Variants in BROX observed in about 807,000 individuals in gnomAD.
BROX encodes the protein BRO1 domain and CAAX motif containing.
In BROX, 53 loss-of-function variants were observed where a neutral mutation model predicts 61.0. That is an observed-to-expected ratio of 0.87 (90% CI 0.70 to 1.09). BROX has a LOEUF of 1.09. BROX is among the 50% of genes least tolerant of loss of function. The pLI, the probability that BROX is intolerant of heterozygous loss-of-function variation, is 0.00. For missense variants in BROX, 489 were observed against 472.0 expected (o/e 1.04, Z -0.33); for synonymous variants, 152 against 160.2 (o/e 0.95, Z 0.38).
At position 222,733,023 on chromosome 1, in the gene BROX, G is replaced by A. The variant is rs1021457671; in HGVS notation, c.*309G>A. ...ATAAGTTTCAGGTCAGTATAGGCCC[G>A]AATCATGTGGTTTCAGGTATGTTTT... On this transcript the variant is annotated 3_prime_UTR_variant, in exon 13 of 13. Transcript: ENST00000340934. 9 of 206,838 alleles carry A rather than the reference G, an allele frequency of 4.4e-5. No homozygotes were observed. The highest frequency in any genetic ancestry group is 6.6e-5 in the Non-Finnish European group (7 of 106,008). 12.8% of individuals were successfully genotyped at this position (206,838 alleles called of 1,614,324 possible).
At chr1:222,716,679 A>G (rs566476888) in intron 2 of BROX, among the ~76,000 whole-genome samples, 9 of 152,310 alleles carry the variant, frequency 5.9e-5, no homozygotes, top group African/African-American at 2.2e-4. Flanking sequence ...CCTCTACAAC[A>G]CCAGAATTGA....
chr1:222,717,946 C>T (rs958058760), intron 2 of BROX: 1 of 152,174 alleles, frequency 6.6e-6, no homozygotes, highest in Non-Finnish European at 1.5e-5. Flanking sequence ...ACACATATTT[C>T]AAGGGTCTTT....
At chr1:222,727,291 CTT>C (rs774941919) in intron 8 of BROX, 34 bp downstream of exon 8, 1 of 1,472,788 alleles carries the variant, frequency 6.8e-7, no homozygotes, top group South Asian at 1.2e-5. Flanking sequence ...CATTTTTAGT[CTT>C]TAGATTTTCA....
Position 222,730,087 on chromosome 1 carries a change from C to T in BROX, c.899C>T (p.Thr300Ile). The T allele has an allele frequency of 8.1e-6, 13 of 1,613,456 alleles. No homozygotes were observed. The highest frequency in any genetic ancestry group is 1.1e-5 in the Non-Finnish European group (13 of 1,179,646). ...EYGETKGPGP[T>I]VKPSGHLFFR... ...GGAGAAACCAAAGGACCTGGACCAA[C>T]AGTCAAACCTTCAGGACATCTGTTC... Residue 300 changes from threonine (T) to isoleucine (I), a missense_variant, in exon 11 of 13, where the codon ACA (threonine) becomes ATA (isoleucine). Physicochemically the swap from Thr to Ile is moderately conservative, Grantham distance 89. Coordinates refer to ENST00000340934, the MANE Select transcript of BROX (RefSeq NM_144695.4).
chr1:222,715,805 G>A lies in BROX; in HGVS notation c.101+5G>A, dbSNP rs780782954. 6.4e-7 allele frequency: 1 copy of A among 1,562,110 alleles called. No individual in the cohort carries two copies. Among genetic ancestry groups the A allele is most frequent in the South Asian group, 1.2e-5 (1 of 85,104 alleles). On this transcript the variant is annotated splice_donor_5th_base_variant and intron_variant, in intron 2 of 12. Transcript: ENST00000340934. ...TTCTGCTTCAAAAATATGCAAGTAA[G>A]TTTATTGATTGAACCACTCTTAGAT...
intron 12 of BROX, 85 bp downstream of exon 12, chr1:222,731,601 A>G: frequency 7.4e-7 from 1 of 1,356,752 alleles, no homozygotes; most frequent in Non-Finnish European, 1.0e-6. Flanking sequence ...TTTTCTCTAA[A>G]TAGATACATA....
chr1:222,732,755 A>G lies in BROX; in HGVS notation c.*41A>G. On this transcript the variant is annotated 3_prime_UTR_variant, in exon 13 of 13. Coordinates refer to ENST00000340934, the MANE Select transcript of BROX (RefSeq NM_144695.4). ...TAGAATTTCTCTAGCAGTAAATAAG[A>G]TAAACCACAGAATTTCAGTTCTTAT... is the stretch of plus-strand genomic sequence containing the variant. 1 of 1,447,230 alleles carries G rather than the reference A, an allele frequency of 6.9e-7. No individual in the cohort carries two copies. Among genetic ancestry groups the G allele is most frequent in the Non-Finnish European group, 9.6e-7 (1 of 1,039,450 alleles). 89.6% of individuals were successfully genotyped at this position (1,447,230 alleles called of 1,614,324 possible). A position where few individuals can be genotyped will look rare whatever the true frequency, so the allele number is the denominator to read the frequency against.
chr1:222,725,724 A>G (rs1657453807), intron 7 of BROX, among the ~76,000 whole-genome samples, 169 bp downstream of exon 7: 1 of 151,802 alleles, frequency 6.6e-6, no homozygotes, highest in Non-Finnish European at 1.5e-5. Flanking sequence ...AGCCTGGGCA[A>G]CGTGGCAAAA....
chr1:222,714,814 A>G (rs1475822276), intron 1 of BROX, among the ~76,000 whole-genome samples: 1 of 150,466 alleles, frequency 6.6e-6, no homozygotes, highest in Non-Finnish European at 1.5e-5. Context: ...TCCTGAGCTC[A>G]AGCGATCCAC....
chr1:222,729,880 CCTT>C, intron 10 of BROX, 144 bp from the exon 11 acceptor site: 1 of 965,684 alleles, frequency 1.0e-6, no homozygotes, highest in Non-Finnish European at 1.5e-6. Context: ...AAAATACACA[CCTT>C]CTACTTACAG....
chr1:222,724,049 A>G (rs1302341348), intron 5 of BROX, 43 bp from the exon 6 acceptor site: 1 of 1,408,770 alleles, frequency 7.1e-7, no homozygotes, highest in Non-Finnish European at 9.9e-7. Flanking sequence ...TTAATACCAG[A>G]AATGGAATTC....
Position 222,731,410 on chromosome 1 carries a change from A to T in BROX, c.1043A>T (p.Tyr348Phe). The T allele has an allele frequency of 1.9e-6, 3 of 1,581,526 alleles. No homozygotes were observed. The highest frequency in any genetic ancestry group is 2.6e-6 in the Non-Finnish European group (3 of 1,171,984). ...EAPQLELKAN[Y>F]GLVEPIPFEF... ...CCACAGCTGGAACTCAAAGCAAATT[A>T]TGGTCTCGTAGAGCCTATACCTTTC... Residue 348 changes from tyrosine to phenylalanine, a missense_variant, in exon 12 of 13, where the codon TAT (tyrosine) becomes TTT (phenylalanine). Transcript: ENST00000340934.
At position 222,730,078 on chromosome 1, in the gene BROX, C is replaced by T; in HGVS notation, c.890C>T (p.Pro297Leu). Reference protein sequence around the residue: ...LCKEYGETKGPGPTVKPSGHL... With the variant: ...LCKEYGETKGLGPTVKPSGHL... ...AAAGAATATGGAGAAACCAAAGGAC[C>T]TGGACCAACAGTCAAACCTTCAGGA... The change falls in exon 11 of 13, where the codon CCT becomes CTT. Residue 297 changes from proline to leucine, a missense_variant. Coordinates refer to ENST00000340934, the MANE Select transcript of BROX (RefSeq NM_144695.4). The T allele has an allele frequency of 1.2e-6, 2 of 1,613,450 alleles. No homozygotes were observed. The highest frequency in any genetic ancestry group is 1.1e-5 in the South Asian group (1 of 90,996).
In BROX at chr1:222,731,379, G is replaced by A; in HGVS notation, c.1012G>A (p.Glu338Lys). Residue 338 changes from glutamate (E) to lysine (K), a missense_variant, in exon 12 of 13, where the codon GAA becomes AAA. Transcript: ENST00000340934. ...CAGTTACTTTCAAAAAATTCCAACA[G>A]AAGCCCCACAGCTGGAACTCAAAGC... ...GFIYFQKIPTEAPQLELKANY... is the reference protein window; with the variant it reads ...GFIYFQKIPTKAPQLELKANY... 2 of 1,565,928 alleles carry A rather than the reference G, an allele frequency of 1.3e-6. No individual in the cohort carries two copies. Among genetic ancestry groups the A allele is most frequent in the East Asian group, 2.3e-5 (1 of 43,746 alleles).
At position 222,725,672 on chromosome 1, in the gene BROX, G is replaced by A. The variant is rs552563652; in HGVS notation, c.580+117G>A. The A allele has an allele frequency of 1.3e-5, 9 of 692,332 alleles. No individual in the cohort carries two copies. In the East Asian group the frequency reaches 2.3e-4, roughly 18 times the overall value. The allele number at this position is 692,332 out of a possible 1,614,324, so 42.9% of individuals were successfully genotyped here. On this transcript the variant is annotated intron_variant, in intron 7 of 12. Coordinates refer to ENST00000340934, the MANE Select transcript of BROX (RefSeq NM_144695.4). ...TGCATGTAGTCCCAGCACTTTGGGA[G>A]GTCTAGGTGGGCAGCTCACTTGAGC...
At chr1:222,713,508 C>G (rs1480927679) in intron 1 of BROX, 2 of 909,886 alleles carry the variant, frequency 2.2e-6, no homozygotes, top group Non-Finnish European at 2.6e-6. Context: ...CTTACAGCTT[C>G]GATCCGAATG....
intron 2 of BROX, among the ~76,000 whole-genome samples, chr1:222,717,668 C>A (rs1362089379): frequency 6.6e-6 from 1 of 152,208 alleles, no homozygotes; most frequent in African/African-American, 2.4e-5. Context: ...TACATACATA[C>A]TTTCTTGGAA....
Position 222,715,788 on chromosome 1 carries a change from C to A in BROX, c.89C>A (p.Ser30Ter). The A allele has an allele frequency of 1.3e-6, 2 of 1,584,252 alleles. No homozygotes were observed. The highest frequency in any genetic ancestry group is 1.7e-6 in the Non-Finnish European group (2 of 1,162,900). Residue 30 changes from serine (S) to a stop codon, truncating the protein, a stop_gained, in exon 2 of 13, where the codon TCA becomes TAA. Coordinates refer to ENST00000340934, the MANE Select transcript of BROX (RefSeq NM_144695.4). LOFTEE classifies it high-confidence loss of function. ...YYGVVTGPSA[S>*]KICNDLRSSR... Reference sequence around the variant, plus strand: ...GGTGTAGTCACTGGCCCTTCTGCTTCAAAAATATGCAAGTAAGTTTATTGA... The same window carrying A: ...GGTGTAGTCACTGGCCCTTCTGCTTAAAAAATATGCAAGTAAGTTTATTGA...
intron 1 of BROX, chr1:222,713,491 G>T: frequency 1.0e-6 from 1 of 954,106 alleles, no homozygotes; most frequent in Non-Finnish European, 1.2e-6. Context: ...TTGTGGAAGT[G>T]TGTTAGCTTA....
Sources: gnomAD v4.1 joint callset for allele counts (sites outside exome capture counted in the v4.1 genomes callset) on GRCh38, gnomAD v4.1.1 for gene constraint, MANE v1.5 for transcripts, NCBI Gene and HGNC (gene_info 2026-07-23, HGNC 2026-07-21) for gene names.